Variants in PALM2AKAP2 observed in about 807,000 individuals in gnomAD.
PALM2AKAP2 encodes the protein PALM2 and AKAP2 fusion.
Under a neutral mutation model 71.5 loss-of-function variants are expected in PALM2AKAP2, and 37 were observed. That is an observed-to-expected ratio of 0.52 (90% CI 0.40 to 0.68). The LOEUF (loss-of-function observed/expected upper bound fraction) is 0.68. Ranked by LOEUF, PALM2AKAP2 falls within the 30% of genes least tolerant of loss-of-function variation. PALM2AKAP2 has a pLI of 0.00. For missense variants in PALM2AKAP2, 1,224 were observed against 1,191.8 expected, an observed-to-expected ratio of 1.03 and a Z score of -0.40; for synonymous variants, 468 against 478.8, an observed-to-expected ratio of 0.98 and a Z score of 0.29.
chr9:109,780,492 G>A (rs748700667), exon 1 of PALM2AKAP2: 1 of 1,613,518 alleles, frequency 6.2e-7, no homozygotes, highest in Non-Finnish European at 8.5e-7. Flanking sequence ...CTCCAGGATG[G>A]CAGAGGCGGA....
chr9:110,093,341 G>A (rs972232739), intron 1 of PALM2AKAP2, among the ~76,000 whole-genome samples: 3 of 152,102 alleles, frequency 2.0e-5, no homozygotes, highest in Non-Finnish European at 4.4e-5. Flanking sequence ...TGCGGGACTC[G>A]GCTAAGATGG....
At chr9:109,919,683 A>G (rs147233113) in intron 3 of PALM2AKAP2, among the ~76,000 whole-genome samples, 5 of 151,978 alleles carry the variant, frequency 3.3e-5, no homozygotes, top group African/African-American at 1.2e-4. Context: ...TGGCATATAC[A>G]TTATTGGGAT....
chr9:109,797,197 C>G (rs1378140363), intron 1 of PALM2AKAP2, among the ~76,000 whole-genome samples: 1 of 152,106 alleles, frequency 6.6e-6, no homozygotes, highest in African/African-American at 2.4e-5. Flanking sequence ...TGGGTTGTGT[C>G]CTTTGGCCGC....
chr9:109,834,128 G>A (rs1044954007), intron 1 of PALM2AKAP2, among the ~76,000 whole-genome samples: 18 of 152,196 alleles, frequency 1.2e-4, no homozygotes, highest in South Asian at 6.2e-4. Context: ...CACAGGAATC[G>A]CTTGAACCTG....
At chr9:109,664,423 G>T (rs1827446969) in intron 1 of PALM2AKAP2, among the ~76,000 whole-genome samples, 1 of 152,088 alleles carries the variant, frequency 6.6e-6, no homozygotes, top group Non-Finnish European at 1.5e-5. Flanking sequence ...CTCTGTAAAG[G>T]ATTTTATTTC....
chr9:109,943,076 C>T lies in PALM2AKAP2; in HGVS notation c.496+11048C>T, dbSNP rs1161849326. The T allele has an allele frequency of 4.3e-6, 7 of 1,614,108 alleles. No homozygotes were observed. In the Admixed American group the frequency reaches 6.7e-5, roughly 15 times the overall value. On this transcript the variant is annotated intron_variant, in intron 6 of 9. Transcript: ENST00000302798. The stretch of plus-strand genomic sequence containing the variant: ...GGGAACCCAGGGCAGCAGGCCCAAG[C>T]CCCCAGCGCTGCAGGGCCGGAGGCA...
At chr9:109,819,469 G>T (rs1827933597) in intron 1 of PALM2AKAP2, among the ~76,000 whole-genome samples, 1 of 152,156 alleles carries the variant, frequency 6.6e-6, no homozygotes, top group South Asian at 2.1e-4. Context: ...TCTTTTCTAG[G>T]TTCTCAGGTT....
intron 6 of PALM2AKAP2, among the ~76,000 whole-genome samples, chr9:109,975,674 A>C (rs1219729468): frequency 6.6e-6 from 1 of 152,242 alleles, no homozygotes; most frequent in Admixed American, 6.5e-5. Flanking sequence ...CTTTAAAAAT[A>C]GTCTTGGAGC....
chr9:110,089,102 C>T lies in PALM2AKAP2; in HGVS notation c.156+40247C>T, dbSNP rs182702517. Among the ~76,000 whole-genome samples, 15 of 152,252 alleles carry T rather than the reference C, an allele frequency of 9.9e-5. No homozygotes were observed. In the East Asian group the frequency reaches 2.3e-3, roughly 24 times the overall value. On this transcript the variant is annotated intron_variant, in intron 1 of 3. Coordinates refer to ENST00000374525, the Ensembl canonical transcript of PALM2AKAP2. ...TGGCCACATTTCAAGTAGTCAGTAA[C>T]CAGCCTATGGCTAGGAGCACCATAA... is the stretch of plus-strand genomic sequence containing the variant.
chr9:110,035,337 C>A (rs1833368792), intron 7 of PALM2AKAP2, among the ~76,000 whole-genome samples: 2 of 141,788 alleles, frequency 1.4e-5, no homozygotes, highest in African/African-American at 5.2e-5. Flanking sequence ...ATGTATAATA[C>A]ATATTATATA....
chr9:109,808,667 C>T (rs1033390171), intron 1 of PALM2AKAP2, among the ~76,000 whole-genome samples: 2 of 152,224 alleles, frequency 1.3e-5, no homozygotes, highest in African/African-American at 4.8e-5. Context: ...CAGAAATTTG[C>T]ATAAGTAACA....
chr9:110,111,132 C>T (rs1254678214), intron 1 of PALM2AKAP2, among the ~76,000 whole-genome samples: 1 of 121,356 alleles, frequency 8.2e-6, no homozygotes, highest in African/African-American at 3.2e-5. Flanking sequence ...TGCTCTGTCA[C>T]CCAGGCTGGA....
chr9:110,002,164 C>T (rs984500586), intron 6 of PALM2AKAP2, among the ~76,000 whole-genome samples: 10 of 152,086 alleles, frequency 6.6e-5, no homozygotes, highest in Admixed American at 1.3e-4. Flanking sequence ...TCATAGATAG[C>T]TCTTATTATT....
At chr9:109,937,235 C>T (rs1831241831) in intron 6 of PALM2AKAP2, among the ~76,000 whole-genome samples, 1 of 152,212 alleles carries the variant, frequency 6.6e-6, no homozygotes, top group South Asian at 2.1e-4. Context: ...CTGCTCAAAA[C>T]TACCACCTTG....
At chr9:110,085,193 T>C (rs2118734299) in intron 1 of PALM2AKAP2, among the ~76,000 whole-genome samples, 1 of 152,338 alleles carries the variant, frequency 6.6e-6, no homozygotes, top group South Asian at 2.1e-4. Flanking sequence ...GAATTGTTGT[T>C]TTCTGTACTA....
At chr9:109,905,208 C>T (rs970115388) in intron 3 of PALM2AKAP2, among the ~76,000 whole-genome samples, 4 of 152,188 alleles carry the variant, frequency 2.6e-5, no homozygotes, top group African/African-American at 7.2e-5. Context: ...AAGTTTTTGT[C>T]TCCAACTCCC....
At chr9:109,731,267 C>A (rs1282565847) in intron 1 of PALM2AKAP2, among the ~76,000 whole-genome samples, 2 of 152,208 alleles carry the variant, frequency 1.3e-5, no homozygotes, top group African/African-American at 4.8e-5. Flanking sequence ...AATAAGGCTG[C>A]ATGAATTAAC....
chr9:110,136,043 C>G, intron 1 of PALM2AKAP2, 84 bp from the exon 8 acceptor site: 2 of 1,467,134 alleles, frequency 1.4e-6, no homozygotes, highest in Non-Finnish European at 1.8e-6. Context: ...TTTCCTTCCT[C>G]TTAATTATGA....
chr9:110,094,664 G>GT (rs1491128964), intron 1 of PALM2AKAP2, among the ~76,000 whole-genome samples: 34,251 of 127,592 alleles, frequency 0.27, 4,768 homozygotes, highest in African/African-American at 0.47. Flanking sequence ...ATAGCACCAC[G>GT]GGGCGGGGGG....
Sources: allele counts gnomAD v4.1 joint callset (sites outside exome capture counted in the v4.1 genomes callset), GRCh38; gene constraint gnomAD v4.1.1; transcripts MANE v1.5; gene names NCBI Gene and HGNC (gene_info 2026-07-23, HGNC 2026-07-21).